Variants in CUL2 observed in about 807,000 individuals in gnomAD.
CUL2 encodes cullin 2.
Under a neutral mutation model 110.2 loss-of-function variants are expected in CUL2, and 22 were observed. That is an observed-to-expected ratio of 0.20 (90% confidence interval 0.14 to 0.28). The LOEUF (loss-of-function observed/expected upper bound fraction) is 0.28, where lower values mean the gene tolerates loss of function less well. Ranked by LOEUF, CUL2 falls within the 10% of genes least tolerant of loss-of-function variation. CUL2 has a pLI of 1.00. For missense variants in CUL2, 631 were observed against 905.5 expected, an observed-to-expected ratio of 0.70 and a Z score of 3.89; for synonymous variants, 279 against 293.2, an observed-to-expected ratio of 0.95 and a Z score of 0.49.
At chr10:35,039,140 G>T in intron 8 of CUL2, 58 bp from the exon 9 acceptor site, 1 of 1,170,800 alleles carries the variant, frequency 8.5e-7, no homozygotes, top group Non-Finnish European at 1.2e-6. Context: ...GGAAAAATCT[G>T]TAATATCAGC....
chr10:35,122,516 A>T (rs1339041593), intron 1 of CUL2, among the ~76,000 whole-genome samples: 1 of 152,218 alleles, frequency 6.6e-6, no homozygotes, highest in Non-Finnish European at 1.5e-5. Flanking sequence ...TAATAATTAT[A>T]GTTTACATTT....
At chr10:35,050,844 A>C (rs1388354881) in intron 5 of CUL2, among the ~76,000 whole-genome samples, 1 of 152,234 alleles carries the variant, frequency 6.6e-6, no homozygotes, top group Non-Finnish European at 1.5e-5. Context: ...ATACATCTAC[A>C]AGTTGAGATC....
At chr10:35,040,071 T>C (rs899236029) in intron 8 of CUL2, among the ~76,000 whole-genome samples, 1 of 152,102 alleles carries the variant, frequency 6.6e-6, no homozygotes, top group Non-Finnish European at 1.5e-5. Context: ...AAGAACTGCT[T>C]GAACCCAGGA....
At chr10:35,101,967 G>A (rs7919782) in intron 1 of CUL2, among the ~76,000 whole-genome samples, 4,565 of 152,246 alleles carry the variant, frequency 0.03, 226 homozygotes, top group African/African-American at 0.1. Flanking sequence ...ATAAGAAACA[G>A]CCTCCCAAAA....
rs376654254 is a variant in CUL2 at position 35,060,928 on chromosome 10, T to C, written c.263A>G (p.His88Arg). Residue 88 changes from histidine to arginine, a missense_variant, in exon 4 of 21, where the codon CAT becomes CGT. This residue lies in a region of CUL2 where 338 missense variants were observed against 442.5 expected (regional missense o/e 0.76). Transcript: ENST00000374749. ...ESEEQVLVMY[H>R]RYWEEYSKGA... ...CTTGCTGTATTCTTCCCAGTACCTA[T>C]GATACATAACAAGTACTTGTTCTTC... 1.2e-5 allele frequency: 20 copies of C among 1,613,862 alleles called. No homozygotes were observed. Among genetic ancestry groups the C allele is most frequent in the African/African-American group, 4.0e-5 (3 of 74,930 alleles).
At chr10:35,021,313 G>C (rs1007748373) in intron 17 of CUL2, among the ~76,000 whole-genome samples, 2 of 150,514 alleles carry the variant, frequency 1.3e-5, no homozygotes, top group Non-Finnish European at 3.0e-5. Flanking sequence ...CTGGAGTGCA[G>C]TGGCGTGATC....
At chr10:35,107,790 G>A (rs953976909) in intron 1 of CUL2, among the ~76,000 whole-genome samples, 1 of 146,702 alleles carries the variant, frequency 6.8e-6, no homozygotes, top group African/African-American at 2.5e-5. Flanking sequence ...GCTGAGGCAG[G>A]AGACTGGCAT....
chr10:35,120,798 T>C (rs888553425), intron 1 of CUL2, among the ~76,000 whole-genome samples: 2 of 151,636 alleles, frequency 1.3e-5, no homozygotes, highest in Non-Finnish European at 2.9e-5. Context: ...CGGGAGGCTG[T>C]AGTGGGAGGA....
intron 1 of CUL2, among the ~76,000 whole-genome samples, chr10:35,121,483 T>C (rs1169778537): frequency 6.6e-6 from 1 of 152,228 alleles, no homozygotes; most frequent in Non-Finnish European, 1.5e-5. Flanking sequence ...TATTAGCTAA[T>C]GTATTCTTCT....
chr10:35,069,161 C>T (rs940501077), intron 2 of CUL2, among the ~76,000 whole-genome samples: 4 of 152,108 alleles, frequency 2.6e-5, no homozygotes, highest in Non-Finnish European at 5.9e-5. Flanking sequence ...GACAACGTGC[C>T]CGGCCTGTAC....
At chr10:35,016,646 G>A (rs1186761336) in intron 17 of CUL2, among the ~76,000 whole-genome samples, 2 of 152,090 alleles carry the variant, frequency 1.3e-5, no homozygotes, top group African/African-American at 2.4e-5. Context: ...AGTCTTTAAG[G>A]CCAGGCGCAG....
chr10:35,065,563 G>C, intron 2 of CUL2, among the ~76,000 whole-genome samples: 1 of 152,128 alleles, frequency 6.6e-6, no homozygotes, highest in Admixed American at 6.6e-5. Context: ...AGGTTGCAGT[G>C]AGCCAAGATC....
At chr10:35,062,151 T>A (rs185805998) in intron 3 of CUL2, among the ~76,000 whole-genome samples, 37 of 152,286 alleles carry the variant, frequency 2.4e-4, no homozygotes, top group Non-Finnish European at 1.5e-5. Context: ...AAGTTGGAAA[T>A]GCTGTCTATA....
intron 1 of CUL2, among the ~76,000 whole-genome samples, chr10:35,102,937 C>T (rs1236725121): frequency 6.6e-6 from 1 of 151,900 alleles, no homozygotes; most frequent in Non-Finnish European, 1.5e-5. Context: ...AATGTTAGTT[C>T]CAGCCACAAT....
intron 1 of CUL2, among the ~76,000 whole-genome samples, chr10:35,107,686 T>G (rs949731760): frequency 3.3e-5 from 5 of 151,216 alleles, no homozygotes; most frequent in Non-Finnish European, 7.4e-5. Flanking sequence ...ATGGAGACCA[T>G]CCTGGCTAAC....
intron 18 of CUL2, 125 bp downstream of exon 18, chr10:35,016,052 TGGAGCGTACAGTAAC>T: frequency 1.5e-6 from 1 of 677,366 alleles, no homozygotes; most frequent in South Asian, 1.9e-5. Flanking sequence ...CGCAGCTCTA[TGGAGCGTACAGTAAC>T]GTAGTGAATA....
chr10:35,074,043 C>G (rs1486042151), intron 1 of CUL2: 1 of 780,750 alleles, frequency 1.3e-6, no homozygotes, highest in South Asian at 1.4e-5. Context: ...TGTGTGCAAC[C>G]ATGCTACCTC....
At chr10:35,079,352 T>C (rs1179537782) in intron 1 of CUL2, among the ~76,000 whole-genome samples, 3 of 152,212 alleles carry the variant, frequency 2.0e-5, no homozygotes, top group Non-Finnish European at 4.4e-5. Context: ...TACTTACTAC[T>C]GACCTTCTGT....
chr10:35,091,803 A>G (rs1437069881), upstream of CUL2, among the ~76,000 whole-genome samples: 4 of 151,006 alleles, frequency 2.6e-5, no homozygotes, highest in African/African-American at 9.8e-5. Flanking sequence ...TGTATTTTGT[A>G]GAGACAGGGT....
Sources: gnomAD v4.1 joint callset for allele counts (sites outside exome capture counted in the v4.1 genomes callset) on GRCh38, gnomAD v4.1.1 for gene constraint, gnomAD v4.1.1 regional missense constraint, MANE v1.5 for transcripts, NCBI Gene and HGNC (gene_info 2026-07-23, HGNC 2026-07-21) for gene names.